The following PPM1H variants were observed in gnomAD, a reference collection of about 807,000 sequenced individuals.
The protein encoded by PPM1H is protein phosphatase, Mg2+/Mn2+ dependent 1H.
In PPM1H, 27 loss-of-function variants were observed where a neutral mutation model predicts 54.9. The ratio of observed to expected loss-of-function variants is 0.49; its 90% CI spans 0.36 to 0.68. The LOEUF (loss-of-function observed/expected upper bound fraction) is 0.68. Ranked by LOEUF, PPM1H falls within the 30% of genes least tolerant of loss-of-function variation. The probability of loss-of-function intolerance (pLI) is 0.00; values close to 1 mark genes in which losing one functional copy is unlikely to be tolerated. For missense variants in PPM1H, 596 were observed against 667.8 expected (o/e 0.89, Z 1.19); for synonymous variants, 305 against 270.8 (o/e 1.13, Z -1.24).
intron 2 of PPM1H, among the ~76,000 whole-genome samples, chr12:62,830,241 TTTTA>T (rs1010556749): frequency 2.6e-5 from 4 of 152,116 alleles, no homozygotes; most frequent in African/African-American, 7.2e-5. Context: ...TTCCTTTATA[TTTTA>T]TTTATTTATT....
chr12:62,881,901 T>C (rs1424633152), intron 1 of PPM1H, among the ~76,000 whole-genome samples: 1 of 152,166 alleles, frequency 6.6e-6, no homozygotes, highest in Non-Finnish European at 1.5e-5. Context: ...TCAGCCTTGT[T>C]CAACAGAAGC....
At chr12:62,758,989 C>T (rs1300159181) in intron 4 of PPM1H, among the ~76,000 whole-genome samples, 2 of 152,202 alleles carry the variant, frequency 1.3e-5, no homozygotes, top group Non-Finnish European at 2.9e-5. Flanking sequence ...TCTCCCTACC[C>T]TTGAGAATAT....
In PPM1H at chr12:62,867,564, A is replaced by ATTTTTTTTTTTTTTTTTTTTTTTTTT. The variant is rs34772338; in HGVS notation, c.246-35311_246-35286dup. Among the ~76,000 whole-genome samples, 7 of 55,372 alleles carry ATTTTTTTTTTTTTTTTTTTTTTTTTT rather than the reference A, an allele frequency of 1.3e-4. 2 individuals are homozygous for ATTTTTTTTTTTTTTTTTTTTTTTTTT. Among genetic ancestry groups the ATTTTTTTTTTTTTTTTTTTTTTTTTT allele is most frequent in the African/African-American group, 1.9e-4 (3 of 15,612 alleles). The allele number at this position is 55,372 out of a possible 152,430, so 36.3% of individuals were successfully genotyped here. On this transcript the variant is annotated intron_variant, in intron 1 of 9. Coordinates refer to ENST00000228705, the MANE Select transcript of PPM1H (RefSeq NM_020700.2). ...TCCTGAAATACATCTTATGAGCACT[A>ATTTTTTTTTTTTTTTTTTTTTTTTTT]TTTTTTTTTTTTTTTTTTTTTTTTT...
At chr12:62,703,242 A>G (rs554880575) in intron 6 of PPM1H, among the ~76,000 whole-genome samples, 4 of 152,250 alleles carry the variant, frequency 2.6e-5, no homozygotes, top group East Asian at 1.9e-4. Context: ...GAAGGAGCAT[A>G]CCCGTGCAAC....
chr12:62,893,642 G>A (rs948335326), intron 1 of PPM1H, among the ~76,000 whole-genome samples: 1 of 151,732 alleles, frequency 6.6e-6, no homozygotes. Flanking sequence ...TGTGCGGGGG[G>A]GAGGGGGTGT....
At chr12:62,828,993 A>G (rs1868322032) in intron 2 of PPM1H, among the ~76,000 whole-genome samples, 1 of 152,094 alleles carries the variant, frequency 6.6e-6, no homozygotes, top group Non-Finnish European at 1.5e-5. Flanking sequence ...ACCCCTCTCC[A>G]TTGTTGGTAG....
intron 4 of PPM1H, among the ~76,000 whole-genome samples, chr12:62,772,344 C>T (rs949693259): frequency 6.6e-6 from 1 of 152,202 alleles, no homozygotes; most frequent in African/African-American, 2.4e-5. Context: ...ACGTGAGTTC[C>T]AAGTGCATGC....
intron 2 of PPM1H, among the ~76,000 whole-genome samples, chr12:62,808,245 T>G (rs952558000): frequency 6.6e-6 from 1 of 152,212 alleles, no homozygotes; most frequent in South Asian, 2.1e-4. Flanking sequence ...GGTAATTATC[T>G]GCATTTTATA....
intron 2 of PPM1H, among the ~76,000 whole-genome samples, chr12:62,826,259 G>C (rs1431164317): frequency 2.0e-5 from 3 of 152,168 alleles, no homozygotes; most frequent in African/African-American, 7.2e-5. Context: ...AGACCAGCCT[G>C]GCCAACATGG....
chr12:62,735,247 C>T (rs2076344288), intron 5 of PPM1H, among the ~76,000 whole-genome samples: 1 of 151,734 alleles, frequency 6.6e-6, no homozygotes, highest in Non-Finnish European at 1.5e-5. Flanking sequence ...CACTCTTTAC[C>T]TAGGCTGCCC....
intron 4 of PPM1H, among the ~76,000 whole-genome samples, chr12:62,750,898 TG>T (rs1328057494): frequency 6.6e-6 from 1 of 152,272 alleles, no homozygotes; most frequent in Non-Finnish European, 1.5e-5. Context: ...ATTTTTCATC[TG>T]CATCAGAGGA....
intron 1 of PPM1H, among the ~76,000 whole-genome samples, chr12:62,926,876 C>G (rs1028076552): frequency 2.6e-5 from 4 of 152,178 alleles, no homozygotes; most frequent in African/African-American, 9.7e-5. Context: ...ACTGCTTGCA[C>G]CCGGGAGGCG....
chr12:62,715,574 G>C (rs2120441382), intron 6 of PPM1H, among the ~76,000 whole-genome samples: 1 of 152,052 alleles, frequency 6.6e-6, no homozygotes, highest in South Asian at 2.1e-4. Flanking sequence ...GAAAGCATGA[G>C]GGTGGGAAAA....
chr12:62,693,929 T>C lies in PPM1H; in HGVS notation c.1137+7A>G, dbSNP rs375128521. ...CCTCTCTACCCAGGGGAAGCACACG[T>C]GCCTACCTTCTTGCCTTCTCCATAT... On this transcript the variant is annotated splice_region_variant and intron_variant, in intron 7 of 9. Transcript: ENST00000228705. 2 of 1,611,106 alleles carry C rather than the reference T, an allele frequency of 1.2e-6. No individual in the cohort carries two copies. Among genetic ancestry groups the C allele is most frequent in the African/African-American group, 2.7e-5 (2 of 74,910 alleles).
At chr12:62,669,897 C>A (rs952777828) in intron 8 of PPM1H, among the ~76,000 whole-genome samples, 1 of 148,530 alleles carries the variant, frequency 6.7e-6, no homozygotes, top group East Asian at 2.0e-4. Context: ...CATGACTGTG[C>A]CATTACACTC....
At chr12:62,781,094 C>T (rs879528724) in intron 4 of PPM1H, among the ~76,000 whole-genome samples, 2 of 152,258 alleles carry the variant, frequency 1.3e-5, no homozygotes, top group Non-Finnish European at 2.9e-5. Context: ...AAAGTCCGCA[C>T]GGGGGCATGT....
chr12:62,920,644 A>G (rs562020959), intron 1 of PPM1H, among the ~76,000 whole-genome samples: 33 of 151,838 alleles, frequency 2.2e-4, no homozygotes, highest in African/African-American at 8.0e-4. Flanking sequence ...AAAAGAAAGA[A>G]AAAATTCTTA....
chr12:62,875,460 TACA>T (rs1245028048), intron 1 of PPM1H, among the ~76,000 whole-genome samples: 1 of 152,178 alleles, frequency 6.6e-6, no homozygotes, highest in Non-Finnish European at 1.5e-5. Flanking sequence ...CGAGGAAAGG[TACA>T]TTCACTCAGA....
intron 1 of PPM1H, among the ~76,000 whole-genome samples, chr12:62,834,761 C>A (rs144100813): frequency 6.6e-6 from 1 of 152,140 alleles, no homozygotes; most frequent in African/African-American, 2.4e-5. Context: ...TCGTCTGGAA[C>A]GTGCCTTTTA....
Sources: allele counts gnomAD v4.1 joint callset (sites outside exome capture counted in the v4.1 genomes callset), GRCh38; gene constraint gnomAD v4.1.1; transcripts MANE v1.5; gene names NCBI Gene and HGNC (gene_info 2026-07-23, HGNC 2026-07-21).